The following RTN4 variants were observed in gnomAD, a reference collection of about 807,000 sequenced individuals.
The protein encoded by RTN4 is reticulon 4, also known as reticulon-4.
Under a neutral mutation model 90.4 loss-of-function variants are expected in RTN4, and 32 were observed. That is an observed-to-expected ratio of 0.35 (90% CI 0.27 to 0.48). The LOEUF (loss-of-function observed/expected upper bound fraction) is 0.48, where lower values mean the gene tolerates loss of function less well. RTN4 is among the 20% of genes least tolerant of loss of function. The probability of loss-of-function intolerance (pLI) is 0.99; values close to 1 mark genes in which losing one functional copy is unlikely to be tolerated. For synonymous variants in RTN4, 629 were observed against 552.5 expected (o/e 1.14, Z -1.94); for missense variants, 1,706 against 1,430.2 (o/e 1.19, Z -3.11).
At chr2:55,077,359 TATCAGGAAAATGCAAATCAAAACC>T (rs1389429637) in intron 2 of RTN4, among the ~76,000 whole-genome samples, 1 of 151,902 alleles carries the variant, frequency 6.6e-6, no homozygotes. Flanking sequence ...ATATACTACT[TATCAGGAAAATGCAAATCAAAACC>T]ATCAGGAAAA....
At chr2:55,044,911 A>T (rs898647387) in intron 1 of RTN4, among the ~76,000 whole-genome samples, 1 of 152,144 alleles carries the variant, frequency 6.6e-6, no homozygotes, top group African/African-American at 2.4e-5. Flanking sequence ...TAAAAATAAG[A>T]AATGGCTTAA....
intron 3 of RTN4, among the ~76,000 whole-genome samples, chr2:54,993,494 C>CA (rs2104706993): frequency 6.6e-6 from 1 of 152,158 alleles, no homozygotes; most frequent in East Asian, 1.9e-4. Context: ...CCAGAATAGT[C>CA]ATGTATAAGG....
At position 55,026,319 on chromosome 2, in the gene RTN4, C is replaced by T; in HGVS notation, c.1780G>A (p.Ala594Thr). The T allele has an allele frequency of 6.2e-7, 1 of 1,613,980 alleles. No homozygotes were observed. Among genetic ancestry groups the T allele is most frequent in the South Asian group, 1.1e-5 (1 of 91,084 alleles). ...EVMQESLYPAAQLCPSFEESE... is the reference protein window; with the variant it reads ...EVMQESLYPATQLCPSFEESE... ...TCTTCAAATGATGGGCAAAGCTGTG[C>T]TGCAGGATAGAGTGACTCTTGCATA... The change falls in exon 3 of 9, where the codon GCA (alanine) becomes ACA (threonine). Residue 594 changes from alanine (A) to threonine (T), a missense_variant. Physicochemically the swap from Ala to Thr is moderately conservative, Grantham distance 58 (BLOSUM62 0). Transcript: ENST00000337526.
chr2:55,049,667 G>GC, intron 1 of RTN4, 78 bp downstream of exon 1: 1 of 1,522,222 alleles, frequency 6.6e-7, no homozygotes, highest in South Asian at 1.2e-5. Context: ...GGAGGGACCA[G>GC]CCCAAAGCAT....
chr2:55,068,057 GGTTGAAGTATATGAAGAAAATTT>G lies in RTN4; in HGVS notation c.-63+12409_-63+12431del, dbSNP rs1279275571. Among the ~76,000 whole-genome samples the G allele has an allele frequency of 2.6e-5, 4 of 152,134 alleles. No individual in the cohort carries two copies. The East Asian group carries it at 7.7e-4, about 29-fold the overall frequency. The stretch of plus-strand genomic sequence containing the variant: ...TCAATCTGTTGAAATCTGTTGTTTT[GGTTGAAGTATATGAAGAAAATTT>G]GGCCTTAAGCAGATATGTGGTTGGA... On this transcript the variant is annotated intron_variant, in intron 2 of 3. Coordinates refer to the RTN4 transcript ENST00000427710.
intron 1 of RTN4, among the ~76,000 whole-genome samples, chr2:55,082,333 A>C (rs1401403886): frequency 6.6e-6 from 1 of 152,228 alleles, no homozygotes; most frequent in African/African-American, 2.4e-5. Flanking sequence ...TTATATCACA[A>C]CAAAAATGCT....
chr2:55,052,568 AG>A (rs929525539), upstream of RTN4, among the ~76,000 whole-genome samples: 5 of 152,188 alleles, frequency 3.3e-5, no homozygotes, highest in African/African-American at 1.2e-4. Context: ...GGGGTTGGGA[AG>A]AGTAGGAAGA....
chr2:55,094,179 T>C (rs1329952141), intron 1 of RTN4, among the ~76,000 whole-genome samples: 1 of 152,062 alleles, frequency 6.6e-6, no homozygotes, highest in Non-Finnish European at 1.5e-5. Flanking sequence ...GTCCCCATGA[T>C]GGGATTAGTG....
In RTN4 at chr2:55,084,681, T is replaced by A. The variant is rs1459225259; in HGVS notation, c.-213-4042A>T. On this transcript the variant is annotated intron_variant, in intron 1 of 3. Coordinates refer to the RTN4 transcript ENST00000427710. ...TGGCGTCTGTGCTGACTAGAGTAAG[T>A]GTCAGAACTGAATTAAATTGTAGGA... Among the ~76,000 whole-genome samples the A allele has an allele frequency of 2.0e-5, 3 of 152,282 alleles. No individual in the cohort carries two copies. In the East Asian group the frequency reaches 5.8e-4, roughly 29 times the overall value.
At chr2:55,049,632 A>C in intron 1 of RTN4, 113 bp downstream of exon 1, 1 of 1,505,004 alleles carries the variant, frequency 6.6e-7, no homozygotes, top group Non-Finnish European at 9.0e-7. Context: ...CGAAGTCCGC[A>C]GACAAAGCGC....
intron 6 of RTN4, 133 bp downstream of exon 6, chr2:54,974,562 T>G: frequency 9.5e-6 from 7 of 739,694 alleles, no homozygotes; most frequent in Non-Finnish European, 1.6e-5. Flanking sequence ...ATTACAGGCA[T>G]GAGCTACCGC....
the RTN4 span, among the ~76,000 whole-genome samples, chr2:55,130,819 T>C: frequency 1.3e-5 from 2 of 152,136 alleles, no homozygotes; most frequent in Admixed American, 6.5e-5. Flanking sequence ...AGTTCATGTC[T>C]GACTGATTCA....
chr2:55,003,081 C>G (rs1184559139), intron 3 of RTN4, among the ~76,000 whole-genome samples: 3 of 152,128 alleles, frequency 2.0e-5, no homozygotes, highest in Non-Finnish European at 4.4e-5. Context: ...AACATACTGT[C>G]CCGTAACTCT....
At chr2:55,088,729 C>A (rs1668885508) in intron 1 of RTN4, among the ~76,000 whole-genome samples, 2 of 152,092 alleles carry the variant, frequency 1.3e-5, no homozygotes, top group South Asian at 4.1e-4. Context: ...AGAAAAGAAT[C>A]TTCTGAAAGC....
chr2:55,116,671 T>C (rs1156325939), upstream of RTN4, among the ~76,000 whole-genome samples: 4 of 152,112 alleles, frequency 2.6e-5, no homozygotes, highest in East Asian at 7.7e-4. Flanking sequence ...GAGGATGAAC[T>C]TATAGTCACA....
At chr2:55,070,843 C>A (rs1489215098) in intron 2 of RTN4, among the ~76,000 whole-genome samples, 10 of 151,768 alleles carry the variant, frequency 6.6e-5, no homozygotes, top group Non-Finnish European at 1.5e-4. Context: ...GTGGTGCGAT[C>A]TCGGCTCACT....
intron 2 of RTN4, among the ~76,000 whole-genome samples, chr2:55,073,448 T>C (rs1668548630): frequency 6.6e-6 from 1 of 152,236 alleles, no homozygotes; most frequent in African/African-American, 2.4e-5. Context: ...TTTTATGTGT[T>C]ATCCTTGGAG....
the RTN4 span, among the ~76,000 whole-genome samples, chr2:55,124,447 A>G: frequency 6.6e-6 from 1 of 152,252 alleles, no homozygotes; most frequent in Non-Finnish European, 1.5e-5. Flanking sequence ...CAAATCAGAA[A>G]GGCAATCCCA....
intron 6 of RTN4, 158 bp from the exon 7 acceptor site, chr2:54,974,025 AG>A: frequency 1.7e-6 from 1 of 604,314 alleles, no homozygotes; most frequent in Non-Finnish European, 2.9e-6. Context: ...GCTGTTGAGG[AG>A]CCACTCCAGA....
Sources: allele counts gnomAD v4.1 joint callset (sites outside exome capture counted in the v4.1 genomes callset), GRCh38; gene constraint gnomAD v4.1.1; transcripts MANE v1.5; gene names NCBI Gene and HGNC (gene_info 2026-07-23, HGNC 2026-07-21).